ZFHX2: variants seen among roughly 807,000 people sequenced by gnomAD.
The protein encoded by ZFHX2 is zinc finger homeobox 2.
A neutral mutation model predicts 164.8 loss-of-function variants in ZFHX2; 75 were observed. That is an observed-to-expected ratio of 0.46 (90% CI 0.38 to 0.55). ZFHX2 has a LOEUF of 0.55. Among genes scored for constraint, ZFHX2 ranks in the 20% least tolerant of loss-of-function variants. The pLI, the probability that ZFHX2 is intolerant of heterozygous loss-of-function variation, is 0.00. For missense variants in ZFHX2, 2,933 were observed against 3,308.0 expected, an observed-to-expected ratio of 0.89 and a Z score of 2.78; for synonymous variants, 1,217 against 1,351.4, an observed-to-expected ratio of 0.90 and a Z score of 2.18.
At chr14:23,543,533 G>A (rs1881049972) in intron 1 of ZFHX2, 1 of 152,312 alleles carries the variant, frequency 6.6e-6, no homozygotes, top group African/African-American at 2.4e-5. Context: ...CTTCCATTTG[G>A]TTTGTTTCTT....
Position 23,546,337 on chromosome 14 carries a change from C to T in ZFHX2, c.-50+5006G>A, listed in dbSNP as rs1881380065. Among the ~76,000 whole-genome samples, 1 of 152,196 alleles carries T rather than the reference C, an allele frequency of 6.6e-6. No homozygotes were observed. Among genetic ancestry groups the T allele is most frequent in the Non-Finnish European group, 1.5e-5 (1 of 68,032 alleles). On this transcript the variant is annotated intron_variant, in intron 1 of 9. Transcript: ENST00000419474. This position sits in a 1 kb window ranked among gnomAD's most constrained non-coding sequence, Gnocchi z 4.7. The stretch of plus-strand genomic sequence containing the variant: ...TACAGAAAGAGGGCTCCTGTTCTCT[C>T]ATTAGACTTTGGGGTAAAAAATGCT...
At chr14:23,532,040 T>G (rs1233615828) in intron 3 of ZFHX2, 1 of 198,396 alleles carries the variant, frequency 5.0e-6, no homozygotes, top group African/African-American at 2.3e-5. Flanking sequence ...CCTCCCAAAG[T>G]GCCGGGACTA....
rs981585479 is a variant in ZFHX2, at chr14:23,534,826, G to A, written c.500C>T (p.Thr167Ile). ...AAAGCCATGTTGGATGTGAAGGGCA[G>A]TGAGGTGTGAGGGGGGTGGGTAGGC... is the stretch of plus-strand genomic sequence containing the variant. Reference protein sequence around the residue: ...FLAYPPPSHLTALHIQHGFDP... With the variant: ...FLAYPPPSHLIALHIQHGFDP... The change falls in exon 2 of 10, where the codon ACT becomes ATT. Residue 167 changes from threonine to isoleucine, a missense_variant. By Grantham distance (89) the Thr-to-Ile change is moderately conservative (BLOSUM62 -1). Coordinates refer to ENST00000419474, the MANE Select transcript of ZFHX2 (RefSeq NM_033400.3). This position sits in a 1 kb window ranked among gnomAD's most constrained non-coding sequence, Gnocchi z 4.5. 5.2e-6 allele frequency: 8 copies of A among 1,536,068 alleles called. No homozygotes were observed. In the East Asian group the frequency reaches 2.0e-4, roughly 38 times the overall value.
Position 23,546,529 on chromosome 14 carries a change from A to C in ZFHX2, c.-50+4814T>G, listed in dbSNP as rs1881400687. Among the ~76,000 whole-genome samples, 1 of 152,062 alleles carries C rather than the reference A, an allele frequency of 6.6e-6. No homozygotes were observed. The highest frequency in any genetic ancestry group is 2.4e-5 in the African/African-American group (1 of 41,384). On this transcript the variant is annotated intron_variant, in intron 1 of 9. Transcript: ENST00000419474. The surrounding 1 kb of genome is among the most constrained non-coding windows in gnomAD (Gnocchi z 4.7). ...GACCCTGGTCTCTGGACTAGTTCCT[A>C]CATGAGGAAGCCACTGAGAGCCCAT...
chr14:23,535,055 CT>C lies in ZFHX2; in HGVS notation c.270del (p.Val92TrpfsTer19). The part of the protein sequence containing the change: ...PDCGHFPPND[P>X]GVEKDKEQEE... ...TCCTGCTCCTTGTCCTTTTCCACCC[CT>C]GGGTCATTTGGTGGGAAGTGACCAC... is the stretch of plus-strand genomic sequence containing the variant. On this transcript the variant is annotated frameshift_variant, in exon 2 of 10. Coordinates refer to ENST00000419474, the MANE Select transcript of ZFHX2 (RefSeq NM_033400.3). LOFTEE classifies it high-confidence loss of function. The surrounding 1 kb of genome is among the most constrained non-coding windows in gnomAD (Gnocchi z 4.5). 6.5e-7 allele frequency: 1 copy of C among 1,536,290 alleles called. No homozygotes were observed. Among genetic ancestry groups the C allele is most frequent in the Non-Finnish European group, 8.7e-7 (1 of 1,146,938 alleles).
Position 23,522,543 on chromosome 14 carries a change from C to T in ZFHX2, c.7138G>A (p.Gly2380Arg), listed in dbSNP as rs1237994477. The stretch of plus-strand genomic sequence containing the variant: ...ATCATGGGGTTCATGGGAAATAGCC[C>T]CTTCTTCATGCCATAGAGCTGTTGG... Reference protein sequence around the residue: ...YFQQLYGMKKGLFPMNPMIPQ... With the variant: ...YFQQLYGMKKRLFPMNPMIPQ... Residue 2380 changes from glycine to arginine, a missense_variant, in exon 10 of 10, where the codon GGG becomes AGG. By Grantham distance (125) the Gly-to-Arg change is moderately radical (BLOSUM62 -2). Coordinates refer to ENST00000419474, the MANE Select transcript of ZFHX2 (RefSeq NM_033400.3). The T allele has an allele frequency of 3.9e-6, 6 of 1,527,126 alleles. No individual in the cohort carries two copies. The highest frequency in any genetic ancestry group is 5.3e-6 in the Non-Finnish European group (6 of 1,141,114). The allele number at this position is 1,527,126 out of a possible 1,614,324, so 94.6% of individuals were successfully genotyped here. A position where few individuals can be genotyped will look rare whatever the true frequency, so the allele number is the denominator to read the frequency against.
chr14:23,551,874 C>T (rs965658063), upstream of ZFHX2, among the ~76,000 whole-genome samples: 8 of 152,156 alleles, frequency 5.3e-5, no homozygotes, highest in African/African-American at 1.9e-4. This position sits in a 1 kb window ranked among gnomAD's most constrained non-coding sequence, Gnocchi z 5.3. Context: ...GCCTGCCTCG[C>T]GGGACCCAGG....
chr14:23,550,667 G>A (rs904005587), intron 1 of ZFHX2, among the ~76,000 whole-genome samples: 2 of 152,178 alleles, frequency 1.3e-5, no homozygotes, highest in Non-Finnish European at 2.9e-5. Flanking sequence ...AGGGGCAGAC[G>A]AGCGGATGGG....
upstream of ZFHX2, among the ~76,000 whole-genome samples, chr14:23,553,314 G>C (rs1882107865): frequency 6.6e-6 from 1 of 152,220 alleles, no homozygotes; most frequent in South Asian, 2.1e-4. Context: ...AAAAAGCAGA[G>C]GCTGGCCGGG....
chr14:23,522,681 T>C lies in ZFHX2; in HGVS notation c.7000A>G (p.Lys2334Glu), dbSNP rs1417100540. 6.5e-7 allele frequency: 1 copy of C among 1,536,598 alleles called. No homozygotes were observed. Among genetic ancestry groups the C allele is most frequent in the Non-Finnish European group, 8.7e-7 (1 of 1,146,964 alleles). The change falls in exon 10 of 10, where the codon AAG becomes GAG. Residue 2334 changes from lysine to glutamate, a missense_variant. By Grantham distance (56) the Lys-to-Glu change is moderately conservative (BLOSUM62 1). Transcript: ENST00000419474. ...NDALKNLKALKTTVPALLGGQ... is the reference protein window; with the variant it reads ...NDALKNLKALETTVPALLGGQ... ...CCCAACAGGGCTGGGACAGTGGTCT[T>C]CAATGCTTTGAGGTTCTTGAGGGCA...
chr14:23,527,703 T>C lies in ZFHX2; in HGVS notation c.3036A>G (p.Pro1012=). ...QHAVQPKYRC[P]LCQEQLVGRP... is the part of the protein sequence containing the mutation. ...GGCCCACCAGCTGTTCCTGGCACAG[T>C]GGGCATCTGTACTTGGGCTGCACTG... Residue 1012 remains proline, a synonymous_variant, in exon 7 of 10, where the codon CCA becomes CCG. Transcript: ENST00000419474. 1 of 1,536,170 alleles carries C rather than the reference T, an allele frequency of 6.5e-7. No homozygotes were observed.
chr14:23,548,244 T>C (rs1372395751), intron 1 of ZFHX2: 1 of 152,308 alleles, frequency 6.6e-6, no homozygotes, highest in Non-Finnish European at 1.5e-5. Flanking sequence ...CAATGCCCTG[T>C]CTTAGGTTCC....
rs552294372 is a variant in ZFHX2, at chr14:23,522,396, C to A, written c.7285G>T (p.Ala2429Ser). The change falls in exon 10 of 10, where the codon GCT becomes TCT. Residue 2429 changes from alanine (A) to serine (S), a missense_variant. Ala to Ser is a moderately conservative substitution (Grantham distance 99, BLOSUM62 1). Coordinates refer to ENST00000419474, the MANE Select transcript of ZFHX2 (RefSeq NM_033400.3). ...GTCAGCAGCTCATCAACCTCACCAG[C>A]TTCCCCCTCCCCTGGAGCAGGCAGT... ...PELPAPGEGE[A>S]GEVDELLTGS... is the part of the protein sequence containing the mutation. 1.3e-6 allele frequency: 2 copies of A among 1,536,368 alleles called. No individual in the cohort carries two copies. The highest frequency in any genetic ancestry group is 2.4e-5 in the South Asian group (2 of 84,064).
intron 4 of ZFHX2, chr14:23,530,741 C>T (rs1012337415): frequency 3.4e-6 from 1 of 296,410 alleles, no homozygotes; most frequent in African/African-American, 2.3e-5. Flanking sequence ...AGCTATTGAT[C>T]TGGGCCCCTC....
intron 1 of ZFHX2, among the ~76,000 whole-genome samples, chr14:23,539,429 T>C (rs1398165884): frequency 1.3e-5 from 2 of 151,612 alleles, no homozygotes; most frequent in African/African-American, 2.4e-5. Flanking sequence ...GAGAGAGAAA[T>C]GTGATGAGAC....
intron 4 of ZFHX2, chr14:23,530,668 G>A (rs1186844206): frequency 5.8e-6 from 2 of 343,058 alleles, no homozygotes; most frequent in Middle Eastern, 8.7e-4. Flanking sequence ...ATTTATTTTC[G>A]GTGGCAGCCT....
At chr14:23,541,287 A>AT (rs34645391) in intron 1 of ZFHX2, among the ~76,000 whole-genome samples, 3,356 of 130,050 alleles carry the variant, frequency 0.026, 117 homozygotes, top group African/African-American at 0.083. Context: ...GATGGACAGG[A>AT]TTTTTTTTTT....
Position 23,526,402 on chromosome 14 carries a change from G to C in ZFHX2, c.3540C>G (p.Ala1180=). 6.5e-7 allele frequency: 1 copy of C among 1,536,296 alleles called. No individual in the cohort carries two copies. The highest frequency in any genetic ancestry group is 2.4e-5 in the East Asian group (1 of 40,878). Residue 1180 remains alanine (A), a synonymous_variant, in exon 9 of 10, where the codon GCC becomes GCG. Transcript: ENST00000419474. ...GGGCAGGGTCGAGAAACTTGTCCAG[G>C]GCAAAGTTGGTGGTTTTCCGATAGG... ...PLTYRKTTNF[A]LDKFLDPARP... is the part of the protein sequence containing the mutation.
At chr14:23,530,283 G>T in intron 4 of ZFHX2, 89 bp from the exon 5 acceptor site, 2 of 1,019,318 alleles carry the variant, frequency 2.0e-6, no homozygotes, top group Non-Finnish European at 1.5e-6. Flanking sequence ...CAAGCAGCCA[G>T]TCAATGAAGG....
Sources: allele counts gnomAD v4.1 joint callset (sites outside exome capture counted in the v4.1 genomes callset), GRCh38; gene constraint gnomAD v4.1.1; non-coding constraint Gnocchi (gnomAD v3.1); transcripts MANE v1.5; gene names NCBI Gene and HGNC (gene_info 2026-07-23, HGNC 2026-07-21).